ZNF462: variants seen among roughly 807,000 people sequenced by gnomAD.
ZNF462 encodes zinc finger PBX1-interacting protein.
In ZNF462, 10 loss-of-function variants were observed where a neutral mutation model predicts 201.9. The observed-to-expected ratio is 0.05, with a 90% CI of 0.03 to 0.08. The LOEUF is 0.08. ZNF462 is among the 10% of genes least tolerant of loss of function. ZNF462 has a pLI of 1.00. For synonymous variants in ZNF462, 1,227 were observed against 1,193.3 expected, an observed-to-expected ratio of 1.03 and a Z score of -0.58; for missense variants, 2,523 against 3,168.3, an observed-to-expected ratio of 0.80 and a Z score of 4.89.
intron 7 of ZNF462, among the ~76,000 whole-genome samples, chr9:106,960,969 T>G (rs1336322097): frequency 6.6e-6 from 1 of 152,052 alleles, no homozygotes; most frequent in Non-Finnish European, 1.5e-5. Context: ...GCATTTCTAA[T>G]GGAGGAAAAT....
intron 10 of ZNF462, among the ~76,000 whole-genome samples, chr9:106,987,148 G>A (rs923844723): frequency 6.6e-6 from 1 of 152,004 alleles, no homozygotes; most frequent in Non-Finnish European, 1.5e-5. Context: ...TATCTTTTTC[G>A]AATAGTGACT....
rs1237412211 is a variant in ZNF462 at position 106,885,308 on chromosome 9, T to A, written c.-31+21953T>A. Among the ~76,000 whole-genome samples the A allele has an allele frequency of 2.0e-5, 3 of 152,246 alleles. No individual in the cohort carries two copies. The highest frequency in any genetic ancestry group is 1.9e-4 in the East Asian group (1 of 5,182). ...TTTCCTTCTAACTTTAAGAGCCTCA[T>A]GGGAATGAAAAGAATGTTGTTTTAG... On this transcript the variant is annotated intron_variant, in intron 1 of 12. Coordinates refer to ENST00000277225, the MANE Select transcript of ZNF462 (RefSeq NM_021224.6). This position sits in a 1 kb window ranked among gnomAD's most constrained non-coding sequence, Gnocchi z 4.1.
intron 10 of ZNF462, among the ~76,000 whole-genome samples, chr9:107,002,397 C>T (rs1038147896): frequency 8.5e-5 from 13 of 152,148 alleles, no homozygotes; most frequent in Non-Finnish European, 1.5e-4. Flanking sequence ...GACTTTAGCC[C>T]TGCACCAGCT....
Position 106,913,701 on chromosome 9 carries a change from A to G in ZNF462, c.-30-9653A>G. Among the ~76,000 whole-genome samples, 1 of 140,284 alleles carries G rather than the reference A, an allele frequency of 7.1e-6. No individual in the cohort carries two copies. The highest frequency in any genetic ancestry group is 1.6e-5 in the Non-Finnish European group (1 of 61,130). 92.0% of individuals were successfully genotyped at this position (140,284 alleles called of 152,430 possible). On this transcript the variant is annotated intron_variant, in intron 1 of 12. Coordinates refer to ENST00000277225, the MANE Select transcript of ZNF462 (RefSeq NM_021224.6). This position sits in a 1 kb window ranked among gnomAD's most constrained non-coding sequence, Gnocchi z 4.1. ...CAACCTCTGTCTCCCAGGCTCAAACAGTTTTCCTGCCTCAGCCTCCCGAGT... is the reference window on the plus strand; with the variant it reads ...CAACCTCTGTCTCCCAGGCTCAAACGGTTTTCCTGCCTCAGCCTCCCGAGT...
Position 107,010,945 on chromosome 9 carries a change from T to C in ZNF462, c.7436T>C (p.Phe2479Ser). ...GATGACGAGGCCATTGGGATAGACT[T>C]TTCCCTAAAGAATGAAACAGTAGCC... ...KEDDEAIGID[F>S]SLKNETVAIC... The change falls in exon 13 of 13, where the codon TTT (phenylalanine) becomes TCT (serine). Residue 2479 changes from phenylalanine (F) to serine (S), a missense_variant. This residue lies in a region of ZNF462 where 67 missense variants were observed against 63.2 expected (regional missense o/e 1.06). Transcript: ENST00000277225. The surrounding 1 kb of genome is among the most constrained non-coding windows in gnomAD (Gnocchi z 4.6). 1 of 1,613,738 alleles carries C rather than the reference T, an allele frequency of 6.2e-7. No homozygotes were observed. Among genetic ancestry groups the C allele is most frequent in the South Asian group, 1.1e-5 (1 of 91,076 alleles).
intron 1 of ZNF462, among the ~76,000 whole-genome samples, chr9:106,879,688 G>A (rs1203389526): frequency 2.6e-5 from 4 of 152,132 alleles, no homozygotes; most frequent in African/African-American, 9.7e-5. Context: ...GTTGGTAGAA[G>A]CCTGCAGAAT....
chr9:106,890,538 G>A lies in ZNF462; in HGVS notation c.-31+27183G>A, dbSNP rs1828531632. On this transcript the variant is annotated intron_variant, in intron 1 of 12. Transcript: ENST00000277225. This position sits in a 1 kb window ranked among gnomAD's most constrained non-coding sequence, Gnocchi z 4.2. ...GTTTTACACTTGGATGATGTAGTTAGGCTCAACTCCATTTGTAGTGAGAAA... is the reference window on the plus strand; with the variant it reads ...GTTTTACACTTGGATGATGTAGTTAAGCTCAACTCCATTTGTAGTGAGAAA... Among the ~76,000 whole-genome samples, 1 of 152,170 alleles carries A rather than the reference G, an allele frequency of 6.6e-6. No homozygotes were observed. The highest frequency in any genetic ancestry group is 1.5e-5 in the Non-Finnish European group (1 of 68,024).
In ZNF462 at chr9:106,927,215, C is replaced by A. The variant is rs764374516; in HGVS notation, c.3303C>A (p.Pro1101=). Reference sequence around the variant, plus strand: ...TGTCCAACATGGGTTCCCCACCCCCCCCACAACCCCCGCCACCAGACCTCA... The same window carrying A: ...TGTCCAACATGGGTTCCCCACCCCCACCACAACCCCCGCCACCAGACCTCA... ...PKMSNMGSPP[P]PQPPPPDLST... is the part of the protein sequence containing the mutation. The change falls in exon 3 of 13, where the codon CCC becomes CCA. Residue 1101 remains proline (P), a synonymous_variant. Transcript: ENST00000277225. The A allele has an allele frequency of 5.6e-6, 9 of 1,610,014 alleles. No individual in the cohort carries two copies. Among genetic ancestry groups the A allele is most frequent in the South Asian group, 1.1e-5 (1 of 90,600 alleles).
chr9:106,906,166 C>T (rs977048513), intron 1 of ZNF462, among the ~76,000 whole-genome samples: 3 of 152,172 alleles, frequency 2.0e-5, no homozygotes, highest in African/African-American at 4.8e-5. Context: ...TTCAGCTTCT[C>T]CAGTGGGGGG....
At chr9:106,990,785 T>A (rs2132396654) in intron 10 of ZNF462, among the ~76,000 whole-genome samples, 2 of 152,128 alleles carry the variant, frequency 1.3e-5, no homozygotes, top group Non-Finnish European at 2.9e-5. Flanking sequence ...TTTTTTCTCA[T>A]TTTCTAATCT....
rs537750713 is a variant in ZNF462 at position 106,928,943 on chromosome 9, G to A, written c.5031G>A (p.Arg1677=). Residue 1677 remains arginine, a synonymous_variant, in exon 3 of 13, where the codon AGG becomes AGA. Transcript: ENST00000277225. This position sits in a 1 kb window ranked among gnomAD's most constrained non-coding sequence, Gnocchi z 9.3. The stretch of plus-strand genomic sequence containing the variant: ...GCTCCACGAGGAAGGGGATCGCCAG[G>A]CACTACCGCATCAAGCACAATAATG... The part of the protein sequence containing the change: ...YFCSTRKGIA[R]HYRIKHNNVR... 31 of 1,614,064 alleles carry A rather than the reference G, an allele frequency of 1.9e-5. No homozygotes were observed. Among genetic ancestry groups the A allele is most frequent in the African/African-American group, 1.7e-4 (13 of 75,022 alleles).
At chr9:106,864,173 GTGCCGGTGC>G (rs1233235068) in intron 1 of ZNF462, among the ~76,000 whole-genome samples, 3 of 149,932 alleles carry the variant, frequency 2.0e-5, no homozygotes, top group Admixed American at 6.7e-5. Context: ...GCAGCTGCTG[GTGCCGGTGC>G]TGCTGGTGAA....
chr9:107,003,308 T>C lies in ZNF462; in HGVS notation c.7071T>C (p.Phe2357=). 6.2e-7 allele frequency: 1 copy of C among 1,613,808 alleles called. No individual in the cohort carries two copies. The highest frequency in any genetic ancestry group is 8.5e-7 in the Non-Finnish European group (1 of 1,179,790). The change falls in exon 11 of 13, where the codon TTT becomes TTC. Residue 2357 remains phenylalanine (F), a synonymous_variant. Coordinates refer to ENST00000277225, the MANE Select transcript of ZNF462 (RefSeq NM_021224.6). This position sits in a 1 kb window ranked among gnomAD's most constrained non-coding sequence, Gnocchi z 4.4. ...GCCTTTTTCAGGTAAGCCGTAACTT[T>C]GAGCTGGTTGGACGGGTTAACTTGG... ...LRDEHKVSRN[F]ELVGRVNLDQ... is the part of the protein sequence containing the mutation.
chr9:106,911,004 C>G (rs1262174047), intron 1 of ZNF462, among the ~76,000 whole-genome samples: 2 of 152,118 alleles, frequency 1.3e-5, no homozygotes, highest in African/African-American at 4.8e-5. Flanking sequence ...TTACCCAACT[C>G]TTAGTATTTT....
rs1828786853 is a variant in ZNF462 at position 106,895,812 on chromosome 9, G to T, written c.-30-27542G>T. Among the ~76,000 whole-genome samples the T allele has an allele frequency of 6.6e-6, 1 of 152,010 alleles. No individual in the cohort carries two copies. The highest frequency in any genetic ancestry group is 2.4e-5 in the African/African-American group (1 of 41,382). Reference sequence around the variant, plus strand: ...GAACTCCTGTAATGCCATCTTTTTGGGGGTGGGAATATGTATTGGGTTCTT... The same window carrying T: ...GAACTCCTGTAATGCCATCTTTTTGTGGGTGGGAATATGTATTGGGTTCTT... On this transcript the variant is annotated intron_variant, in intron 1 of 12. Transcript: ENST00000277225. This position sits in a 1 kb window ranked among gnomAD's most constrained non-coding sequence, Gnocchi z 4.4.
intron 10 of ZNF462, among the ~76,000 whole-genome samples, chr9:106,996,184 A>G (rs1214799205): frequency 6.6e-6 from 1 of 152,168 alleles, no homozygotes; most frequent in Non-Finnish European, 1.5e-5. Context: ...CATGGTGTAT[A>G]TGTGCCACAT....
In ZNF462 at chr9:106,974,061, G is replaced by A. The variant is rs1588138951; in HGVS notation, c.6696-76G>A. The A allele has an allele frequency of 1.9e-6, 3 of 1,591,262 alleles. No individual in the cohort carries two copies. In the African/African-American group the frequency reaches 4.0e-5, roughly 21 times the overall value. On this transcript the variant is annotated intron_variant, in intron 8 of 12. Coordinates refer to ENST00000277225, the MANE Select transcript of ZNF462 (RefSeq NM_021224.6). The surrounding 1 kb of genome is among the most constrained non-coding windows in gnomAD (Gnocchi z 4.0). ...AGCCGCACTTGGACATATATAACGG[G>A]TTTGCCAGCAGGAAATGTGAAAATG... is the stretch of plus-strand genomic sequence containing the variant.
rs546553985 is a variant in ZNF462, at chr9:106,902,342, T to C, written c.-30-21012T>C. 6.6e-6 allele frequency among the ~76,000 whole-genome samples: 1 copy of C among 152,322 alleles called. No individual in the cohort carries two copies. The highest frequency in any genetic ancestry group is 2.4e-5 in the African/African-American group (1 of 41,582). ...TTAGCTAGTATTTTGTTAAGGATTTTAGCATCTATATTCATCAAGGATATT... is the reference window on the plus strand; with the variant it reads ...TTAGCTAGTATTTTGTTAAGGATTTCAGCATCTATATTCATCAAGGATATT... On this transcript the variant is annotated intron_variant, in intron 1 of 12. Coordinates refer to ENST00000277225, the MANE Select transcript of ZNF462 (RefSeq NM_021224.6). The surrounding 1 kb of genome is among the most constrained non-coding windows in gnomAD (Gnocchi z 4.2).
intron 10 of ZNF462, among the ~76,000 whole-genome samples, chr9:106,991,837 T>TCC (rs985745079): frequency 2.6e-5 from 3 of 116,542 alleles, no homozygotes; most frequent in African/African-American, 1.4e-4. Context: ...TACAGCACTC[T>TCC]CTACACACAC....
Sources: allele counts gnomAD v4.1 joint callset (sites outside exome capture counted in the v4.1 genomes callset), GRCh38; gene constraint gnomAD v4.1.1; regional missense constraint gnomAD v4.1.1; non-coding constraint Gnocchi (gnomAD v3.1); transcripts MANE v1.5; gene names NCBI Gene and HGNC (gene_info 2026-07-23, HGNC 2026-07-21).